The following KIAA1217 variants were observed in gnomAD, a reference collection of about 807,000 sequenced individuals.
KIAA1217 encodes the protein KIAA1217, also known as sickle tail protein homolog.
A neutral mutation model predicts 163.9 loss-of-function variants in KIAA1217; 88 were observed. The ratio of observed to expected loss-of-function variants is 0.54; its 90% CI spans 0.45 to 0.64. KIAA1217 has a LOEUF of 0.64. Ranked by LOEUF, KIAA1217 falls within the 30% of genes least tolerant of loss-of-function variation. The probability of loss-of-function intolerance (pLI) is 0.00; values close to 1 mark genes in which losing one functional copy is unlikely to be tolerated. For synonymous variants in KIAA1217, 903 were observed against 923.1 expected (o/e 0.98, Z 0.39); for missense variants, 2,372 against 2,475.0 (o/e 0.96, Z 0.88).
chr10:23,803,060 ACT>A (rs544507850), intron 1 of KIAA1217, among the ~76,000 whole-genome samples: 2 of 152,110 alleles, frequency 1.3e-5, no homozygotes, highest in Non-Finnish European at 2.9e-5. Flanking sequence ...AAGTGTGCAA[ACT>A]CTCTATTTCC....
chr10:23,704,874 C>A (rs1445881833), intron 1 of KIAA1217, among the ~76,000 whole-genome samples: 1 of 152,114 alleles, frequency 6.6e-6, no homozygotes, highest in Non-Finnish European at 1.5e-5. Context: ...TTTTAAAGAA[C>A]TGTCAAACTG....
At chr10:24,016,260 G>A (rs999237014) in intron 2 of KIAA1217, among the ~76,000 whole-genome samples, 2 of 152,070 alleles carry the variant, frequency 1.3e-5, no homozygotes, top group African/African-American at 4.8e-5. Flanking sequence ...AAAGAATTCA[G>A]TTCTTCTCTG....
At chr10:24,510,292 C>T (rs1330038971) in intron 9 of KIAA1217, among the ~76,000 whole-genome samples, 1 of 152,144 alleles carries the variant, frequency 6.6e-6, no homozygotes, top group East Asian at 1.9e-4. Flanking sequence ...AAATATTCCA[C>T]CAATAATTTC....
At chr10:24,296,674 C>T (rs1275816688) in intron 2 of KIAA1217, among the ~76,000 whole-genome samples, 1 of 152,114 alleles carries the variant, frequency 6.6e-6, no homozygotes, top group Non-Finnish European at 1.5e-5. Flanking sequence ...CGTGGAAACC[C>T]TTTTCTTCTT....
At chr10:23,825,136 C>T (rs1325382751) in intron 1 of KIAA1217, among the ~76,000 whole-genome samples, 1 of 152,182 alleles carries the variant, frequency 6.6e-6, no homozygotes, top group Non-Finnish European at 1.5e-5. Context: ...TTGTCTCTGA[C>T]ATTCACAGTC....
At chr10:24,509,088 G>A (rs936043243) in intron 9 of KIAA1217, among the ~76,000 whole-genome samples, 2 of 152,112 alleles carry the variant, frequency 1.3e-5, no homozygotes, top group South Asian at 2.1e-4. Context: ...TGAAATGTAG[G>A]TATCACCTCT....
At chr10:24,140,016 TTC>T (rs1336291602) in intron 2 of KIAA1217, among the ~76,000 whole-genome samples, 1 of 151,802 alleles carries the variant, frequency 6.6e-6, no homozygotes, top group African/African-American at 2.4e-5. Flanking sequence ...CTTTTTTTTT[TTC>T]CCCCTTATCA....
chr10:24,536,204 T>G (rs929054029), intron 16 of KIAA1217, among the ~76,000 whole-genome samples: 6 of 152,196 alleles, frequency 3.9e-5, no homozygotes, highest in African/African-American at 1.4e-4. Flanking sequence ...AGGCAGCTCC[T>G]AGGCCACTCG....
intron 1 of KIAA1217, chr10:23,877,612 A>G (rs1211214515): frequency 1.3e-5 from 2 of 151,964 alleles, no homozygotes; most frequent in Admixed American, 6.6e-5. Flanking sequence ...ATAGGTTTCC[A>G]TGGGCCATAT....
intron 2 of KIAA1217, among the ~76,000 whole-genome samples, chr10:24,069,474 C>G (rs561871682): frequency 6.6e-6 from 1 of 152,286 alleles, no homozygotes; most frequent in African/African-American, 2.4e-5. Flanking sequence ...GGAATAGAAG[C>G]TTTTCCTTTG....
At chr10:23,908,688 T>G (rs754841948) in intron 1 of KIAA1217, among the ~76,000 whole-genome samples, 1 of 152,098 alleles carries the variant, frequency 6.6e-6, no homozygotes, top group Admixed American at 6.6e-5. Flanking sequence ...TATCTCCCTA[T>G]GCACAATGCA....
chr10:24,301,773 A>G lies in KIAA1217; in HGVS notation c.355-79096A>G, dbSNP rs538411574. ...TTTTTAGAACGGGTTGGCCAGGCGC[A>G]GTGGCTCATGCCTAAAATCCCAGCA... On this transcript the variant is annotated intron_variant, in intron 2 of 20. Transcript: ENST00000376454. Among the ~76,000 whole-genome samples, 11 of 152,298 alleles carry G rather than the reference A, an allele frequency of 7.2e-5. No individual in the cohort carries two copies. The East Asian group carries it at 2.1e-3, about 29-fold the overall frequency.
At chr10:23,751,861 GATTT>G (rs2130835664) in intron 1 of KIAA1217, among the ~76,000 whole-genome samples, 1 of 152,294 alleles carries the variant, frequency 6.6e-6, no homozygotes, top group East Asian at 1.9e-4. Context: ...TCAGGCTGAG[GATTT>G]TAAAACGATG....
intron 1 of KIAA1217, among the ~76,000 whole-genome samples, chr10:23,824,434 C>T (rs989494842): frequency 1.3e-5 from 2 of 150,390 alleles, no homozygotes; most frequent in Admixed American, 1.3e-4. Flanking sequence ...TTGAGACCAG[C>T]CTGACCAACA....
chr10:23,760,393 C>T (rs550471152), intron 1 of KIAA1217, among the ~76,000 whole-genome samples: 3 of 152,132 alleles, frequency 2.0e-5, no homozygotes, highest in Non-Finnish European at 4.4e-5. Context: ...CTTAACGGGA[C>T]TAATAGTTGA....
intron 1 of KIAA1217, among the ~76,000 whole-genome samples, chr10:23,725,395 G>T (rs933122201): frequency 1.3e-5 from 2 of 152,192 alleles, no homozygotes; most frequent in Non-Finnish European, 2.9e-5. Context: ...ATGATTTGAT[G>T]TTATTGTTTA....
At position 23,790,391 on chromosome 10, in the gene KIAA1217, G is replaced by A. The variant is rs184817159; in HGVS notation, c.-321+95157G>A. Reference sequence around the variant, plus strand: ...CATATACATATGTATATATACATATGTATATATACATATATACATATACAT... The same window carrying A: ...CATATACATATGTATATATACATATATATATATACATATATACATATACAT... On this transcript the variant is annotated intron_variant, in intron 1 of 18. Transcript: ENST00000376462. 2.2e-3 allele frequency among the ~76,000 whole-genome samples: 203 copies of A among 90,612 alleles called. 11 individuals carry two copies. Among genetic ancestry groups the A allele is most frequent in the Non-Finnish European group, 3.0e-3 (142 of 47,794 alleles). The allele number at this position is 90,612 out of a possible 152,430, so 59.4% of individuals were successfully genotyped here.
intron 3 of KIAA1217, among the ~76,000 whole-genome samples, chr10:24,387,135 C>G (rs993708954): frequency 4.6e-5 from 7 of 152,128 alleles, no homozygotes; most frequent in African/African-American, 1.7e-4. Flanking sequence ...CCCTGATGAA[C>G]ATTGATGCAA....
chr10:23,859,444 G>A (rs1292056626), intron 1 of KIAA1217, among the ~76,000 whole-genome samples: 4 of 152,262 alleles, frequency 2.6e-5, no homozygotes, highest in South Asian at 2.1e-4. Flanking sequence ...TCTAATCTAG[G>A]TTGAAATAAA....
Sources: allele counts gnomAD v4.1 joint callset (sites outside exome capture counted in the v4.1 genomes callset), GRCh38; gene constraint gnomAD v4.1.1; transcripts MANE v1.5; gene names NCBI Gene and HGNC (gene_info 2026-07-23, HGNC 2026-07-21).